Variants in UNC80 observed in about 807,000 individuals in gnomAD.
The protein encoded by UNC80 is unc-80 subunit of NALCN channel complex.
UNC80 carries 164 observed loss-of-function variants against 384.6 expected under a neutral mutation model. That is an observed-to-expected ratio of 0.43 (90% confidence interval 0.38 to 0.49). The LOEUF (loss-of-function observed/expected upper bound fraction) is 0.49. Among genes scored for constraint, UNC80 ranks in the 20% least tolerant of loss-of-function variants. The pLI is 0.00. For missense variants in UNC80, 3,330 were observed against 4,143.0 expected, an observed-to-expected ratio of 0.80 and a Z score of 5.39; for synonymous variants, 1,486 against 1,527.8, an observed-to-expected ratio of 0.97 and a Z score of 0.64.
At chr2:209,901,709 G>A (rs1374446142) in intron 28 of UNC80, among the ~76,000 whole-genome samples, 2 of 152,046 alleles carry the variant, frequency 1.3e-5, no homozygotes, top group Non-Finnish European at 2.9e-5. Context: ...GGCGGATCAC[G>A]AGGTCAGGAG....
At chr2:209,991,999 T>A (rs1449934140) in intron 61 of UNC80, among the ~76,000 whole-genome samples, 167 bp from the exon 62 acceptor site, 1 of 152,146 alleles carries the variant, frequency 6.6e-6, no homozygotes, top group African/African-American at 2.4e-5. Flanking sequence ...TTGTCCTCCC[T>A]CCCAAACATT....
intron 60 of UNC80, among the ~76,000 whole-genome samples, chr2:209,984,624 C>T (rs1042957298): frequency 2.0e-5 from 3 of 152,124 alleles, no homozygotes; most frequent in Non-Finnish European, 4.4e-5. Context: ...ATAGGTTACT[C>T]CTCTGAGAGT....
chr2:209,833,076 G>C (rs1002793967), intron 16 of UNC80, among the ~76,000 whole-genome samples: 1 of 152,182 alleles, frequency 6.6e-6, no homozygotes, highest in Non-Finnish European at 1.5e-5. Flanking sequence ...CTGCAGAGCA[G>C]AGTGAGGGGC....
intron 4 of UNC80, among the ~76,000 whole-genome samples, chr2:209,778,644 C>T (rs763550313): frequency 2.6e-5 from 4 of 152,170 alleles, no homozygotes; most frequent in Non-Finnish European, 5.9e-5. Context: ...CCCTCAGTTG[C>T]TCTAACACGG....
rs2081834119 is a variant in UNC80 at position 209,842,416 on chromosome 2, G to T, written c.3424G>T (p.Asp1142Tyr). ...GPGSGMENGR[D>Y]EEENFFKRLG... ...AGGAAGTGGCATGGAAAATGGAAGAGATGAAGAGGAGAATTTCTTCAAGCG... is the reference window on the plus strand; with the variant it reads ...AGGAAGTGGCATGGAAAATGGAAGATATGAAGAGGAGAATTTCTTCAAGCG... Residue 1142 changes from aspartate (D) to tyrosine (Y), a missense_variant, in exon 21 of 65, where the codon GAT (aspartate) becomes TAT (tyrosine). Around this residue, in one of 8 missense-constraint regions of UNC80, gnomAD observed 801 missense variants for 950.8 expected, o/e 0.84. Coordinates refer to ENST00000673920, the MANE Select transcript of UNC80 (RefSeq NM_001371986.1). 1 of 1,550,872 alleles carries T rather than the reference G, an allele frequency of 6.4e-7. No individual in the cohort carries two copies. The highest frequency in any genetic ancestry group is 1.4e-5 in the African/African-American group (1 of 73,036).
At chr2:209,863,026 C>A (rs2083454622) in intron 22 of UNC80, among the ~76,000 whole-genome samples, 1 of 152,080 alleles carries the variant, frequency 6.6e-6, no homozygotes, top group Non-Finnish European at 1.5e-5. Context: ...CAGGGCAGGC[C>A]CGGTGGTAAT....
chr2:209,831,035 A>C (rs2080924415), intron 15 of UNC80, among the ~76,000 whole-genome samples: 1 of 151,628 alleles, frequency 6.6e-6, no homozygotes. Context: ...AGAAAGTAGC[A>C]TTTCTCACCA....
At chr2:209,924,987 C>T (rs2090315628) in intron 35 of UNC80, among the ~76,000 whole-genome samples, 1 of 151,938 alleles carries the variant, frequency 6.6e-6, no homozygotes, top group Admixed American at 6.6e-5. Context: ...TTAACAGCTA[C>T]CATGGTTGCA....
chr2:209,832,991 G>C (rs1416938559), intron 16 of UNC80, among the ~76,000 whole-genome samples: 1 of 152,142 alleles, frequency 6.6e-6, no homozygotes, highest in African/African-American at 2.4e-5. Flanking sequence ...TTTGCTGTGT[G>C]CTTAGGGCTG....
chr2:209,858,016 T>A (rs1203900322), intron 22 of UNC80, among the ~76,000 whole-genome samples: 1 of 152,206 alleles, frequency 6.6e-6, no homozygotes, highest in Non-Finnish European at 1.5e-5. Flanking sequence ...GTGATTGATA[T>A]ACGTACGATC....
intron 9 of UNC80, 81 bp from the exon 10 acceptor site, chr2:209,816,828 G>T: frequency 7.8e-7 from 1 of 1,276,528 alleles, no homozygotes; most frequent in Non-Finnish European, 1.1e-6. Flanking sequence ...GTATTTTACT[G>T]CAGATCATGG....
chr2:209,865,230 G>GTT (rs34718642), intron 22 of UNC80, among the ~76,000 whole-genome samples: 14,203 of 149,346 alleles, frequency 0.095, 785 homozygotes, highest in South Asian at 0.24. Flanking sequence ...CGTTTATTAT[G>GTT]TTTTTTTTTT....
At chr2:209,879,483 A>T (rs1173795006) in intron 24 of UNC80, among the ~76,000 whole-genome samples, 1 of 152,172 alleles carries the variant, frequency 6.6e-6, no homozygotes, top group Non-Finnish European at 1.5e-5. Context: ...CAGGATATTT[A>T]ATATGATAGC....
chr2:209,845,940 TTC>T (rs202058082), intron 21 of UNC80, among the ~76,000 whole-genome samples: 2,030 of 152,116 alleles, frequency 0.013, 48 homozygotes, highest in African/African-American at 0.044. Flanking sequence ...CTTTCTTTCC[TTC>T]TCTCTTTTCT....
In UNC80 at chr2:209,817,130, C is replaced by G. The variant is rs2079797837; in HGVS notation, c.1552+5C>G. 4 of 1,551,010 alleles carry G rather than the reference C, an allele frequency of 2.6e-6. No homozygotes were observed. Among genetic ancestry groups the G allele is most frequent in the Non-Finnish European group, 3.5e-6 (4 of 1,146,822 alleles). On this transcript the variant is annotated splice_donor_5th_base_variant and intron_variant, in intron 10 of 64. Transcript: ENST00000673920. ...GCTGGCAAACCACCATTTTAGGTGA[C>G]CACAAGGCCTTCCAAAATAGGGCAG...
At position 209,963,725 on chromosome 2, in the gene UNC80, C is replaced by G. The variant is rs542529342; in HGVS notation, c.7806-3712C>G. Among the ~76,000 whole-genome samples the G allele has an allele frequency of 1.1e-4, 16 of 152,008 alleles. No individual in the cohort carries two copies. The South Asian group carries it at 3.3e-3, about 32-fold the overall frequency. On this transcript the variant is annotated intron_variant, in intron 51 of 64. Coordinates refer to ENST00000673920, the MANE Select transcript of UNC80 (RefSeq NM_001371986.1). ...GTTTAAAATGATTTCTTTAAAACAC[C>G]CACATTCACACAGAATTCCAGGACA...
chr2:209,905,073 G>A (rs1474610753), intron 29 of UNC80, 108 bp downstream of exon 29: 3 of 1,155,730 alleles, frequency 2.6e-6, no homozygotes, highest in Admixed American at 2.0e-5. Flanking sequence ...TAACAATCAG[G>A]TCTGTGTGCA....
At position 209,967,484 on chromosome 2, in the gene UNC80, C is replaced by T. The variant is rs1228256306; in HGVS notation, c.7853C>T (p.Thr2618Ile). Reference protein sequence around the residue: ...HSLLKLAPYDTQTMESRGLRR... With the variant: ...HSLLKLAPYDIQTMESRGLRR... ...CTTCTGAAGCTGGCACCATATGACA[C>T]TCAGACAATGGAGAGTCGTGGGCTT... The change falls in exon 52 of 65, where the codon ACT becomes ATT. Residue 2618 changes from threonine (T) to isoleucine (I), a missense_variant. Physicochemically the swap from Thr to Ile is moderately conservative, Grantham distance 89. This residue lies in a region of UNC80 where 1,049 missense variants were observed against 1,488.6 expected (regional missense o/e 0.70). Transcript: ENST00000673920. 6.4e-7 allele frequency: 1 copy of T among 1,551,410 alleles called. No homozygotes were observed. Among genetic ancestry groups the T allele is most frequent in the Non-Finnish European group, 8.7e-7 (1 of 1,146,984 alleles).
chr2:209,978,451 C>T (rs1485796406), intron 58 of UNC80, 78 bp from the exon 59 acceptor site: 7 of 1,247,772 alleles, frequency 5.6e-6, no homozygotes, highest in Non-Finnish European at 7.5e-6. Context: ...CTAAAAAATA[C>T]AAGTGGTCAG....
Sources: allele counts gnomAD v4.1 joint callset (sites outside exome capture counted in the v4.1 genomes callset), GRCh38; gene constraint gnomAD v4.1.1; regional missense constraint gnomAD v4.1.1; transcripts MANE v1.5; gene names NCBI Gene and HGNC (gene_info 2026-07-23, HGNC 2026-07-21).